Variants in HDAC4 observed in about 807,000 individuals in gnomAD.
The protein encoded by HDAC4 is histone deacetylase A.
A neutral mutation model predicts 135.1 loss-of-function variants in HDAC4; 16 were observed. The ratio of observed to expected loss-of-function variants is 0.12; its 90% CI spans 0.08 to 0.18. The LOEUF (loss-of-function observed/expected upper bound fraction) is 0.18. Among genes scored for constraint, HDAC4 ranks in the 10% least tolerant of loss-of-function variants. The probability of loss-of-function intolerance (pLI) is 1.00; values close to 1 mark genes in which losing one functional copy is unlikely to be tolerated. For missense variants in HDAC4, 1,143 were observed against 1,511.8 expected (o/e 0.76, Z 4.05); for synonymous variants, 685 against 653.4 (o/e 1.05, Z -0.74).
intron 1 of HDAC4, among the ~76,000 whole-genome samples, chr2:239,386,846 C>T (rs1179425217): frequency 6.6e-6 from 1 of 152,196 alleles, no homozygotes; most frequent in Non-Finnish European, 1.5e-5. Flanking sequence ...TGGGTGAGAA[C>T]TGTGCATGAG....
At chr2:239,210,795 C>T (rs556937257) in intron 3 of HDAC4, among the ~76,000 whole-genome samples, 56 of 152,294 alleles carry the variant, frequency 3.7e-4, no homozygotes, top group African/African-American at 1.3e-3. Flanking sequence ...TATACAATGA[C>T]CTGCTTGGGA....
intron 4 of HDAC4, among the ~76,000 whole-genome samples, chr2:239,177,176 A>G (rs1474640735): frequency 1.3e-5 from 2 of 152,184 alleles, no homozygotes; most frequent in African/African-American, 4.8e-5. Context: ...ACACAAGAAA[A>G]CACAGGTGAA....
intron 25 of HDAC4, 70 bp downstream of exon 25, chr2:239,054,679 A>G (rs1244271900): frequency 3.1e-6 from 3 of 960,662 alleles, no homozygotes; most frequent in Non-Finnish European, 5.1e-6. Flanking sequence ...ATAGGGGGAC[A>G]GGGATGGGGT....
At position 239,308,373 on chromosome 2, in the gene HDAC4, A is replaced by G. The variant is rs1427176651; in HGVS notation, c.22+44305T>C. Among the ~76,000 whole-genome samples the G allele has an allele frequency of 6.6e-6, 1 of 152,146 alleles. No homozygotes were observed. Among genetic ancestry groups the G allele is most frequent in the Non-Finnish European group, 1.5e-5 (1 of 68,018 alleles). On this transcript the variant is annotated intron_variant, in intron 2 of 26. Coordinates refer to ENST00000543185, the MANE Select transcript of HDAC4 (RefSeq NM_001378414.1). This position sits in a 1 kb window ranked among gnomAD's most constrained non-coding sequence, Gnocchi z 4.2. ...TCAGCAACAGGCTTTCCTAATAAGA[A>G]TTCCACACTTCCATGAGGCTGTAAT...
Position 239,228,804 on chromosome 2 carries a change from C to G in HDAC4, c.94+7789G>C, listed in dbSNP as rs117513594. Among the ~76,000 whole-genome samples, 18 of 152,132 alleles carry G rather than the reference C, an allele frequency of 1.2e-4. No individual in the cohort carries two copies. In the East Asian group the frequency reaches 3.5e-3, roughly 29 times the overall value. On this transcript the variant is annotated intron_variant, in intron 3 of 26. Transcript: ENST00000543185. Reference sequence around the variant, plus strand: ...CACATCTAGTGAACAAGGTAGTGACCAAGCAGGAGGGCGCAGCTTCTGGTC... The same window carrying G: ...CACATCTAGTGAACAAGGTAGTGACGAAGCAGGAGGGCGCAGCTTCTGGTC...
Position 239,299,934 on chromosome 2 carries a change from G to A in HDAC4, c.22+52744C>T, listed in dbSNP as rs945297222. Among the ~76,000 whole-genome samples, 1 of 152,196 alleles carries A rather than the reference G, an allele frequency of 6.6e-6. No individual in the cohort carries two copies. The highest frequency in any genetic ancestry group is 1.5e-5 in the Non-Finnish European group (1 of 68,044). Reference sequence around the variant, plus strand: ...CTCGGGAGACAGGGGAGACAGAGAAGGAAGAGGGGTCCCATCAGAGGACTC... The same window carrying A: ...CTCGGGAGACAGGGGAGACAGAGAAAGAAGAGGGGTCCCATCAGAGGACTC... On this transcript the variant is annotated intron_variant, in intron 2 of 26. Transcript: ENST00000543185. The surrounding 1 kb of genome is among the most constrained non-coding windows in gnomAD (Gnocchi z 4.0).
intron 7 of HDAC4, among the ~76,000 whole-genome samples, chr2:239,147,507 G>C (rs2041842720): frequency 6.6e-6 from 1 of 152,280 alleles, no homozygotes; most frequent in African/African-American, 2.4e-5. Flanking sequence ...GGCTGCACGT[G>C]TACTGGCTCA....
chr2:239,374,090 A>C (rs1263517252), intron 1 of HDAC4, among the ~76,000 whole-genome samples: 12 of 152,252 alleles, frequency 7.9e-5, no homozygotes, highest in Admixed American at 5.9e-4. Context: ...CACTGAGAAC[A>C]GTGATGCTAT....
chr2:239,120,382 G>GGCACACACAGAT (rs1553622799), intron 12 of HDAC4, among the ~76,000 whole-genome samples: 30 of 150,066 alleles, frequency 2.0e-4, no homozygotes, highest in Middle Eastern at 6.8e-3. Context: ...TACCCGCAGA[G>GGCACACACAGAT]GCACACACAG....
chr2:239,270,700 C>A (rs1161550228), intron 2 of HDAC4, among the ~76,000 whole-genome samples: 2 of 152,208 alleles, frequency 1.3e-5, no homozygotes, highest in Non-Finnish European at 2.9e-5. Flanking sequence ...AACTATCTGA[C>A]ATTTCTGAAA....
intron 1 of HDAC4, among the ~76,000 whole-genome samples, chr2:239,372,025 G>A (rs1459280037): frequency 1.3e-5 from 2 of 152,224 alleles, no homozygotes; most frequent in Non-Finnish European, 2.9e-5. Context: ...CAGGGCGCGT[G>A]GGTGGCTGCT....
chr2:239,357,137 A>G (rs1693540828), intron 1 of HDAC4, among the ~76,000 whole-genome samples: 1 of 152,218 alleles, frequency 6.6e-6, no homozygotes, highest in South Asian at 2.1e-4. Flanking sequence ...TCTGGGCCAT[A>G]AAACCAGTCT....
At chr2:239,200,857 G>A (rs1360121672) in intron 3 of HDAC4, among the ~76,000 whole-genome samples, 2 of 152,164 alleles carry the variant, frequency 1.3e-5, no homozygotes, top group African/African-American at 2.4e-5. Flanking sequence ...CACATGGCCA[G>A]GCCTGGATGG....
rs777077163 is a variant in HDAC4 at position 239,108,030 on chromosome 2, C to T, written c.2112+20G>A. The T allele has an allele frequency of 1.7e-5, 28 of 1,610,330 alleles. No homozygotes were observed. Among genetic ancestry groups the T allele is most frequent in the Non-Finnish European group, 2.3e-5 (27 of 1,179,754 alleles). On this transcript the variant is annotated intron_variant, in intron 15 of 26. Transcript: ENST00000543185. ...TGGTGCCCAAAGCCGCAGCTGCCCA[C>T]CTGCCCCGGTCGGCGTTACCTCGCA...
chr2:239,053,181 C>T (rs2106385299), intron 26 of HDAC4, 45 bp from the exon 27 acceptor site: 2 of 1,610,590 alleles, frequency 1.2e-6, no homozygotes, highest in Middle Eastern at 1.7e-4. Flanking sequence ...GGGGCAGGTG[C>T]ACCACAGAGA....
chr2:239,301,825 A>G (rs2052288377), intron 2 of HDAC4, among the ~76,000 whole-genome samples: 1 of 152,170 alleles, frequency 6.6e-6, no homozygotes, highest in Admixed American at 6.5e-5. Context: ...TTGTGATCAA[A>G]TACTACAATG....
At chr2:239,354,559 GAA>G (rs754753427) in intron 1 of HDAC4, among the ~76,000 whole-genome samples, 1 of 115,220 alleles carries the variant, frequency 8.7e-6, no homozygotes, top group Admixed American at 1.0e-4. Context: ...AATTAGTCTA[GAA>G]ATTTTTTTTT....
intron 20 of HDAC4, among the ~76,000 whole-genome samples, chr2:239,083,426 T>C (rs1242939648): frequency 6.6e-6 from 1 of 152,232 alleles, no homozygotes; most frequent in African/African-American, 2.4e-5. Flanking sequence ...GTCCTGGCTG[T>C]GCCATATTGT....
rs533502963 is a variant in HDAC4, at chr2:239,378,627, C to G, written c.-220+22351G>C. ...TGAAACGGCCCCGGGAACCAAGAAC[C>G]CCGGGAACCAAGAACCCCGGGAACC... is the stretch of plus-strand genomic sequence containing the variant. On this transcript the variant is annotated intron_variant, in intron 1 of 26. Transcript: ENST00000543185. 2.0e-5 allele frequency among the ~76,000 whole-genome samples: 3 copies of G among 152,262 alleles called. No homozygotes were observed. In the South Asian group the frequency reaches 6.2e-4, roughly 32 times the overall value.
Sources: gnomAD v4.1 joint callset for allele counts (sites outside exome capture counted in the v4.1 genomes callset) on GRCh38, gnomAD v4.1.1 for gene constraint, Gnocchi (gnomAD v3.1) non-coding constraint, MANE v1.5 for transcripts, NCBI Gene and HGNC (gene_info 2026-07-23, HGNC 2026-07-21) for gene names.